KATNBL1: variants seen among roughly 807,000 people sequenced by gnomAD.
The protein encoded by KATNBL1 is katanin regulatory subunit B1 like 1, also known as KATNB1-like protein 1.
Under a neutral mutation model 44.7 loss-of-function variants are expected in KATNBL1, and 28 were observed. The observed-to-expected ratio is 0.63, with a 90% confidence interval of 0.46 to 0.86. The LOEUF (loss-of-function observed/expected upper bound fraction) is 0.86, where lower values mean the gene tolerates loss of function less well. KATNBL1 is among the 40% of genes least tolerant of loss of function. The pLI, the probability that KATNBL1 is intolerant of heterozygous loss-of-function variation, is 0.00. For synonymous variants in KATNBL1, 78 were observed against 114.9 expected, an observed-to-expected ratio of 0.68 and a Z score of 2.06; for missense variants, 272 against 350.7, an observed-to-expected ratio of 0.78 and a Z score of 1.79.
intron 9 of KATNBL1, among the ~76,000 whole-genome samples, chr15:34,144,244 A>G (rs1423875529): frequency 1.3e-5 from 2 of 151,844 alleles, no homozygotes; most frequent in Non-Finnish European, 2.9e-5. Context: ...TGTCTCCTGT[A>G]AGAGCTGAAC....
chr15:34,147,479 T>A, intron 5 of KATNBL1, 49 bp from the exon 6 acceptor site: 1 of 1,408,238 alleles, frequency 7.1e-7, no homozygotes, highest in Non-Finnish European at 9.9e-7. Context: ...GATTTCCTTA[T>A]TTACTTTCAT....
In KATNBL1 at chr15:34,152,907, T is replaced by C. The variant is rs1313304875; in HGVS notation, c.321A>G (p.Ala107=). 6.2e-7 allele frequency: 1 copy of C among 1,613,968 alleles called. No homozygotes were observed. Among genetic ancestry groups the C allele is most frequent in the African/African-American group, 1.3e-5 (1 of 74,946 alleles). Residue 107 remains alanine (A), a synonymous_variant, in exon 4 of 10, where the codon GCA becomes GCG. Coordinates refer to ENST00000256544, the MANE Select transcript of KATNBL1 (RefSeq NM_024713.3). ...MANKENELAC[A]GHLPEKLHHD... ...GGTGTAATTTTTCAGGCAGGTGGCC[T>C]GCACAAGCCAGTTCATTTTCTTTAT...
In KATNBL1 at chr15:34,142,397, C is replaced by T; in HGVS notation, c.883-26G>A. 1.9e-6 allele frequency: 3 copies of T among 1,568,824 alleles called. No homozygotes were observed. In the South Asian group the frequency reaches 3.5e-5, roughly 18 times the overall value. On this transcript the variant is annotated intron_variant, in intron 9 of 9. Coordinates refer to ENST00000256544, the MANE Select transcript of KATNBL1 (RefSeq NM_024713.3). ...CTTAGAAGATAAAACAAAAACATTT[C>T]ATTAGACAGTACAGTAAATACAAAC...
chr15:34,184,576 C>CTTTTTTTTTTT (rs71119942), intron 1 of KATNBL1, among the ~76,000 whole-genome samples: 1,688 of 95,262 alleles, frequency 0.018, 73 homozygotes, highest in East Asian at 0.023. Flanking sequence ...CCTAATGTTT[C>CTTTTTTTTTTT]TTTTTTTTTT....
intron 2 of KATNBL1, among the ~76,000 whole-genome samples, chr15:34,161,804 C>T (rs1170650765): frequency 6.6e-6 from 1 of 152,036 alleles, no homozygotes; most frequent in Non-Finnish European, 1.5e-5. Flanking sequence ...TGACTAAGAA[C>T]TCTAAATATG....
chr15:34,190,162 T>G (rs1889832979), intron 1 of KATNBL1, among the ~76,000 whole-genome samples: 2 of 152,284 alleles, frequency 1.3e-5, no homozygotes, highest in African/African-American at 4.8e-5. Flanking sequence ...GCCAGGATGG[T>G]CTCGATCTCC....
chr15:34,160,946 C>G (rs1288465583), intron 2 of KATNBL1, among the ~76,000 whole-genome samples: 2 of 152,194 alleles, frequency 1.3e-5, no homozygotes, highest in Non-Finnish European at 2.9e-5. Context: ...GGAGGCTTCT[C>G]ACATTCTTCT....
chr15:34,194,425 A>G (rs564946818), intron 1 of KATNBL1, among the ~76,000 whole-genome samples: 1 of 152,238 alleles, frequency 6.6e-6, no homozygotes, highest in East Asian at 1.9e-4. Flanking sequence ...CCTGGGCAAC[A>G]TACTGAGACC....
At chr15:34,153,904 G>A (rs1268097598) in intron 3 of KATNBL1, among the ~76,000 whole-genome samples, 3 of 151,964 alleles carry the variant, frequency 2.0e-5, no homozygotes, top group Admixed American at 1.3e-4. Context: ...TATTTACTGT[G>A]TAAAAACTAA....
chr15:34,170,986 A>C (rs1477968233), intron 1 of KATNBL1, among the ~76,000 whole-genome samples: 2 of 152,248 alleles, frequency 1.3e-5, no homozygotes, highest in Non-Finnish European at 2.9e-5. Context: ...AAAACCCTAG[A>C]AGAAAACCTA....
chr15:34,148,632 C>T lies in KATNBL1; in HGVS notation c.557G>A (p.Arg186Lys). The change falls in exon 5 of 10, where the codon AGG becomes AAG. Residue 186 changes from arginine to lysine, a missense_variant and splice_region_variant. Physicochemically the swap from Arg to Lys is conservative, Grantham distance 26. This residue lies in a region of KATNBL1 where 111 missense variants were observed against 149.3 expected (regional missense o/e 0.74). Coordinates refer to ENST00000256544, the MANE Select transcript of KATNBL1 (RefSeq NM_024713.3). ...AAAGAGGATAAAAGGTCACACTTAC[C>T]TCAACAAATAAGCTACAAGTTCACT... ...SISELVAYLL[R>K]IEDLGVVVDC... 2 of 1,505,398 alleles carry T rather than the reference C, an allele frequency of 1.3e-6. No homozygotes were observed. The highest frequency in any genetic ancestry group is 1.1e-5 in the South Asian group (1 of 88,658). 93.3% of individuals were successfully genotyped at this position (1,505,398 alleles called of 1,614,324 possible). A position where few individuals can be genotyped will look rare whatever the true frequency, so the allele number is the denominator to read the frequency against.
At chr15:34,192,133 A>C (rs894443229) in intron 1 of KATNBL1, among the ~76,000 whole-genome samples, 1 of 151,894 alleles carries the variant, frequency 6.6e-6, no homozygotes, top group African/African-American at 2.4e-5. Flanking sequence ...AGTCAGGCGC[A>C]GTGGCTCAAG....
Position 34,172,760 on chromosome 15 carries a change from G to GACACAC in KATNBL1, c.-14-9076_-14-9071dup, listed in dbSNP as rs34182114. Among the ~76,000 whole-genome samples the GACACAC allele has an allele frequency of 8.8e-3, 1,296 of 146,526 alleles. 13 individuals are homozygous for GACACAC. The highest frequency in any genetic ancestry group is 0.014 in the Middle Eastern group (4 of 290). On this transcript the variant is annotated intron_variant, in intron 1 of 9. Coordinates refer to ENST00000256544, the MANE Select transcript of KATNBL1 (RefSeq NM_024713.3). ...ACAGACACATAGACACACAGACACA[G>GACACAC]ACACACACACACACACACACACACA...
chr15:34,198,484 T>C (rs576055986), intron 1 of KATNBL1, among the ~76,000 whole-genome samples: 17 of 152,362 alleles, frequency 1.1e-4, no homozygotes, highest in African/African-American at 3.8e-4. Context: ...AAAGCAAAGA[T>C]ATTTAGAGTC....
chr15:34,176,700 T>G (rs936377840), intron 1 of KATNBL1, among the ~76,000 whole-genome samples: 14 of 152,328 alleles, frequency 9.2e-5, no homozygotes, highest in African/African-American at 3.4e-4. Context: ...GGTATGTACA[T>G]TTAAGACAGG....
chr15:34,190,449 A>C (rs1001905506), intron 1 of KATNBL1, among the ~76,000 whole-genome samples: 2 of 152,250 alleles, frequency 1.3e-5, no homozygotes, highest in Non-Finnish European at 2.9e-5. Flanking sequence ...CTGGTCCCGA[A>C]GACAAACAGG....
intron 1 of KATNBL1, among the ~76,000 whole-genome samples, chr15:34,187,134 C>G (rs1288600008): frequency 1.3e-5 from 2 of 152,214 alleles, no homozygotes; most frequent in Non-Finnish European, 2.9e-5. Context: ...GGACCACCAG[C>G]TGCAGAGAGG....
chr15:34,176,115 C>T (rs1426093898), intron 1 of KATNBL1, among the ~76,000 whole-genome samples: 1 of 152,166 alleles, frequency 6.6e-6, no homozygotes, highest in Non-Finnish European at 1.5e-5. Context: ...TGGCTCACGC[C>T]TGTAATACCA....
chr15:34,193,216 C>CAAAAAAAAAA (rs34216208), intron 1 of KATNBL1, among the ~76,000 whole-genome samples: 8 of 66,346 alleles, frequency 1.2e-4, no homozygotes, highest in South Asian at 7.2e-4. Context: ...GACTCCGTCT[C>CAAAAAAAAAA]AAAAAAAAAA....
Sources: gnomAD v4.1 joint callset for allele counts (sites outside exome capture counted in the v4.1 genomes callset) on GRCh38, gnomAD v4.1.1 for gene constraint, gnomAD v4.1.1 regional missense constraint, MANE v1.5 for transcripts, NCBI Gene and HGNC (gene_info 2026-07-23, HGNC 2026-07-21) for gene names.